The following CCSER1 variants were observed in gnomAD, a reference collection of about 807,000 sequenced individuals.
The protein encoded by CCSER1 is serine-rich coiled-coil domain-containing protein 1.
CCSER1 carries 41 observed loss-of-function variants against 82.0 expected under a neutral mutation model. The observed-to-expected ratio is 0.50, with a 90% CI of 0.39 to 0.65. The LOEUF (loss-of-function observed/expected upper bound fraction) is 0.65. CCSER1 is among the 30% of genes least tolerant of loss of function. The pLI is 0.00. For synonymous variants in CCSER1, 414 were observed against 383.9 expected, an observed-to-expected ratio of 1.08 and a Z score of -0.92; for missense variants, 1,119 against 1,064.2, an observed-to-expected ratio of 1.05 and a Z score of -0.72.
chr4:91,467,934 G>A (rs1351842808), intron 10 of CCSER1, among the ~76,000 whole-genome samples: 2 of 152,192 alleles, frequency 1.3e-5, no homozygotes, highest in East Asian at 3.9e-4. Flanking sequence ...CATTGTGGAA[G>A]ACAGTGTGGC....
At chr4:91,246,199 C>G (rs1163324735) in intron 10 of CCSER1, among the ~76,000 whole-genome samples, 1 of 151,996 alleles carries the variant, frequency 6.6e-6, no homozygotes, top group African/African-American at 2.4e-5. Flanking sequence ...AGAGAGAAAA[C>G]AGAAAGTTAA....
At chr4:90,671,410 G>T (rs1320709603) in intron 6 of CCSER1, among the ~76,000 whole-genome samples, 1 of 152,012 alleles carries the variant, frequency 6.6e-6, no homozygotes, top group Non-Finnish European at 1.5e-5. Flanking sequence ...TTTCAACAGT[G>T]TTCACAGCAT....
chr4:90,801,680 A>C (rs1212175726), intron 7 of CCSER1, among the ~76,000 whole-genome samples: 2 of 152,218 alleles, frequency 1.3e-5, no homozygotes, highest in African/African-American at 4.8e-5. Context: ...ATAAATTATT[A>C]ATAATTTCAA....
At chr4:91,499,417 C>T (rs1046727384) in intron 10 of CCSER1, among the ~76,000 whole-genome samples, 8 of 151,966 alleles carry the variant, frequency 5.3e-5, no homozygotes, top group East Asian at 1.9e-4. Context: ...AGCCACCCCA[C>T]TGTGGACATC....
rs1742991567 is a variant in CCSER1 at position 91,051,377 on chromosome 4, A to G, written c.2173-34573A>G. 1.3e-5 allele frequency among the ~76,000 whole-genome samples: 2 copies of G among 152,210 alleles called. 1 individual carries two copies. The highest frequency in any genetic ancestry group is 1.3e-4 in the Admixed American group (2 of 15,274). Reference sequence around the variant, plus strand: ...AATTTAACAGAATAATTTTAAAATCAGTAACATCAATTGCTATTGGGGATG... The same window carrying G: ...AATTTAACAGAATAATTTTAAAATCGGTAACATCAATTGCTATTGGGGATG... On this transcript the variant is annotated intron_variant, in intron 9 of 10. Transcript: ENST00000509176.
At chr4:90,909,473 A>T (rs968774474) in intron 8 of CCSER1, among the ~76,000 whole-genome samples, 5 of 152,214 alleles carry the variant, frequency 3.3e-5, no homozygotes, top group Non-Finnish European at 5.9e-5. Flanking sequence ...CAGTAGATAT[A>T]AAAAGAAGTG....
At chr4:91,350,246 C>T (rs767272846) in intron 10 of CCSER1, among the ~76,000 whole-genome samples, 28 of 152,216 alleles carry the variant, frequency 1.8e-4, no homozygotes, top group Non-Finnish European at 3.4e-4. Context: ...AGATCTGAAT[C>T]TACCAGTTTG....
chr4:91,040,337 A>G (rs1007844772), intron 9 of CCSER1, among the ~76,000 whole-genome samples: 17 of 152,174 alleles, frequency 1.1e-4, no homozygotes, highest in Non-Finnish European at 2.4e-4. Flanking sequence ...TTTTGGAATT[A>G]ATGATTTTTG....
chr4:90,418,689 T>G (rs906181261), intron 4 of CCSER1, among the ~76,000 whole-genome samples: 1 of 152,068 alleles, frequency 6.6e-6, no homozygotes, highest in Non-Finnish European at 1.5e-5. Context: ...TGTAAAATGT[T>G]AAAATCACAT....
intron 5 of CCSER1, among the ~76,000 whole-genome samples, chr4:90,609,788 G>T (rs1243756665): frequency 5.3e-5 from 8 of 152,266 alleles, no homozygotes; most frequent in Admixed American, 1.3e-4. Flanking sequence ...ATGCAACCCA[G>T]TTGGATGTGT....
At chr4:90,253,027 A>T (rs1722670224) in intron 1 of CCSER1, among the ~76,000 whole-genome samples, 1 of 151,924 alleles carries the variant, frequency 6.6e-6, no homozygotes, top group African/African-American at 2.4e-5. Context: ...GGATTATTTA[A>T]TACATTCATG....
chr4:91,179,589 C>T (rs562862719), intron 10 of CCSER1, among the ~76,000 whole-genome samples: 40 of 152,296 alleles, frequency 2.6e-4, no homozygotes, highest in African/African-American at 8.2e-4. Flanking sequence ...TCCACTTGAT[C>T]GAATCAGCTA....
chr4:91,154,146 G>A (rs185682663), intron 10 of CCSER1, among the ~76,000 whole-genome samples: 2 of 152,086 alleles, frequency 1.3e-5, no homozygotes, highest in East Asian at 3.9e-4. Flanking sequence ...CTTGAGCTGT[G>A]GTGGGCTCCA....
intron 6 of CCSER1, among the ~76,000 whole-genome samples, chr4:90,652,743 A>G (rs1156783668): frequency 1.3e-5 from 2 of 152,156 alleles, no homozygotes; most frequent in Non-Finnish European, 2.9e-5. Flanking sequence ...TTTACAAGTT[A>G]ATCTCTATTC....
intron 8 of CCSER1, among the ~76,000 whole-genome samples, chr4:90,844,777 A>G (rs1409313134): frequency 1.3e-5 from 2 of 152,206 alleles, no homozygotes; most frequent in Middle Eastern, 3.4e-3. Context: ...TGTCCACCCC[A>G]GCCAATATGT....
chr4:90,785,695 C>T lies in CCSER1; in HGVS notation c.2011-30067C>T, dbSNP rs960600400. Among the ~76,000 whole-genome samples, 8 of 150,504 alleles carry T rather than the reference C, an allele frequency of 5.3e-5. No individual in the cohort carries two copies. The South Asian group carries it at 6.3e-4, about 12-fold the overall frequency. ...CAATCCAATGCCAATTAAAACTATA[C>T]GTTTAATTTGTATGTTTTAATAAGT... On this transcript the variant is annotated intron_variant, in intron 7 of 10. Transcript: ENST00000509176.
Position 90,557,526 on chromosome 4 carries a change from T to A in CCSER1, c.1725-70499T>A, listed in dbSNP as rs147710015. On this transcript the variant is annotated intron_variant, in intron 5 of 10. Transcript: ENST00000509176. The stretch of plus-strand genomic sequence containing the variant: ...TTACTAGTACTAACTAGCAAAAGGC[T>A]GTTTTCAATCTTTTTAAATAAATAT... 4.9e-3 allele frequency among the ~76,000 whole-genome samples: 748 copies of A among 152,234 alleles called. 10 individuals are homozygous for A. Among genetic ancestry groups the A allele is most frequent in the Non-Finnish European group, 4.8e-3 (328 of 67,946 alleles).
At chr4:91,104,225 C>T (rs541462550) in intron 10 of CCSER1, among the ~76,000 whole-genome samples, 16 of 152,290 alleles carry the variant, frequency 1.1e-4, no homozygotes, top group Admixed American at 3.3e-4. Context: ...AGTAGTTCTG[C>T]TTTGCCCTTT....
intron 6 of CCSER1, among the ~76,000 whole-genome samples, chr4:90,672,491 A>T (rs1289525278): frequency 3.9e-5 from 6 of 152,038 alleles, no homozygotes; most frequent in Non-Finnish European, 8.8e-5. Flanking sequence ...GTTTAAGGGA[A>T]TGTTATGGCT....
Sources: allele counts gnomAD v4.1 joint callset (sites outside exome capture counted in the v4.1 genomes callset), GRCh38; gene constraint gnomAD v4.1.1; transcripts MANE v1.5; gene names NCBI Gene and HGNC (gene_info 2026-07-23, HGNC 2026-07-21).